Variants in FREM1 observed in about 807,000 individuals in gnomAD.
FREM1 encodes the protein FRAS1 related extracellular matrix 1.
In FREM1, 220 loss-of-function variants were observed where a neutral mutation model predicts 210.1. That is an observed-to-expected ratio of 1.05 (90% CI 0.94 to 1.17). The LOEUF is 1.17. FREM1 is among the 50% of genes most tolerant of loss of function. FREM1 has a pLI of 0.00. For synonymous variants in FREM1, 1,189 were observed against 980.2 expected, an observed-to-expected ratio of 1.21 and a Z score of -3.98; for missense variants, 3,454 against 2,675.5, an observed-to-expected ratio of 1.29 and a Z score of -6.42.
chr9:14,860,700 TATATACACACATATATACAC>T (rs879411408), intron 3 of FREM1, among the ~76,000 whole-genome samples: 3,996 of 111,704 alleles, frequency 0.036, 114 homozygotes, highest in Non-Finnish European at 0.046. Flanking sequence ...TATACACACA[TATATACACACATATATACAC>T]ATATATACAC....
rs899514118 is a variant in FREM1, at chr9:14,792,859, C to G, written c.3865G>C (p.Gly1289Arg). 1.9e-6 allele frequency: 3 copies of G among 1,587,580 alleles called. No individual in the cohort carries two copies. The highest frequency in any genetic ancestry group is 3.5e-5 in the Admixed American group (2 of 56,614). ...GCACTGGAAATAATACGAGTTTCAC[C>G]CATATTCATTGCAATTTCAGCCTTC... Reference protein sequence around the residue: ...SKKAEIAMNMGETRIISSAIL... With the variant: ...SKKAEIAMNMRETRIISSAIL... Residue 1289 changes from glycine (G) to arginine (R), a missense_variant, in exon 22 of 37, where the codon GGT becomes CGT. Transcript: ENST00000380880.
intron 5 of FREM1, among the ~76,000 whole-genome samples, chr9:14,852,262 G>T (rs1304553855): frequency 6.6e-6 from 1 of 152,114 alleles, no homozygotes; most frequent in African/African-American, 2.4e-5. Context: ...TGGGCATTGG[G>T]GATTGCAAGT....
chr9:14,863,766 T>C (rs1055621840), intron 3 of FREM1, 43 bp downstream of exon 3: 2 of 1,180,472 alleles, frequency 1.7e-6, no homozygotes, highest in East Asian at 2.3e-5. Flanking sequence ...GAACACAGAA[T>C]GGTTACTTGG....
At chr9:14,746,830 G>A (rs1007530556) in intron 34 of FREM1, 93 bp downstream of exon 34, 2 of 1,399,878 alleles carry the variant, frequency 1.4e-6, no homozygotes, top group South Asian at 1.5e-5. Context: ...GATGTAGCAT[G>A]GGTTGAGTCA....
chr9:14,851,181 T>G (rs1431337244), intron 6 of FREM1, 103 bp downstream of exon 6: 1 of 822,684 alleles, frequency 1.2e-6, no homozygotes. Context: ...GATTCTTTTC[T>G]GAGGCAATGA....
intron 21 of FREM1, among the ~76,000 whole-genome samples, chr9:14,793,893 G>C (rs771834955): frequency 1.3e-5 from 2 of 152,146 alleles, no homozygotes; most frequent in African/African-American, 4.8e-5. Flanking sequence ...AGTGGGTGGT[G>C]ACATTTGCAC....
Position 14,851,392 on chromosome 9 carries a change from C to G in FREM1, c.1044G>C (p.Leu348=). 1.9e-6 allele frequency: 3 copies of G among 1,613,918 alleles called. No individual in the cohort carries two copies. The highest frequency in any genetic ancestry group is 2.5e-6 in the Non-Finnish European group (3 of 1,179,856). The change falls in exon 6 of 37, where the codon CTG becomes CTC. Residue 348 remains leucine, a synonymous_variant. Transcript: ENST00000380880. ...KAPLQGYVTH[L]LDHTRPISSF... ...AGGAGATTGGTCTGGTGTGATCCAA[C>G]AGGTGAGTCACATAGCCCTGGAGCG... is the stretch of plus-strand genomic sequence containing the variant.
Position 14,836,634 on chromosome 9 carries a change from C to T in FREM1, c.1881+4813G>A, listed in dbSNP as rs1056499167. 2.0e-5 allele frequency among the ~76,000 whole-genome samples: 3 copies of T among 152,074 alleles called. No individual in the cohort carries two copies. Among genetic ancestry groups the T allele is most frequent in the Admixed American group, 6.6e-5 (1 of 15,260 alleles). On this transcript the variant is annotated intron_variant, in intron 10 of 36. Coordinates refer to ENST00000380880, the MANE Select transcript of FREM1 (RefSeq NM_001379081.2). This position sits in a 1 kb window ranked among gnomAD's most constrained non-coding sequence, Gnocchi z 4.9. ...TATATGTCTTGAATTGATATTTGGA[C>T]GTTGTATATTCAGTACTATGACTCA...
Position 14,797,620 on chromosome 9 carries a change from A to G in FREM1, c.3717T>C (p.His1239=), listed in dbSNP as rs771795372. The G allele has an allele frequency of 6.2e-7, 1 of 1,612,774 alleles. No individual in the cohort carries two copies. Residue 1239 remains histidine (H), a synonymous_variant, in exon 21 of 37, where the codon CAT becomes CAC. Coordinates refer to ENST00000380880, the MANE Select transcript of FREM1 (RefSeq NM_001379081.2). The part of the protein sequence containing the change: ...LKTGMRLTYM[H]DDSESLADDF... ...CATCAGCAAGGCTCTCTGAGTCATCATGCATGTACGTCAACCTCATTCCTG... is the reference window on the plus strand; with the variant it reads ...CATCAGCAAGGCTCTCTGAGTCATCGTGCATGTACGTCAACCTCATTCCTG...
intron 10 of FREM1, among the ~76,000 whole-genome samples, chr9:14,826,736 T>C (rs1377378377): frequency 6.6e-6 from 1 of 152,210 alleles, no homozygotes; most frequent in Non-Finnish European, 1.5e-5. Flanking sequence ...ATTACCCTCA[T>C]GAATGAACTT....
chr9:14,860,974 C>CAT lies in FREM1; in HGVS notation c.330-1492_330-1491dup, dbSNP rs1308925966. 5.2e-4 allele frequency among the ~76,000 whole-genome samples: 58 copies of CAT among 111,398 alleles called. 1 individual carries two copies. In the South Asian group the frequency reaches 0.014, roughly 27 times the overall value. 73.1% of individuals were successfully genotyped at this position (111,398 alleles called of 152,430 possible). On this transcript the variant is annotated intron_variant, in intron 3 of 36. Coordinates refer to ENST00000380880, the MANE Select transcript of FREM1 (RefSeq NM_001379081.2). ...ATATACACATATATACACATATATA[C>CAT]ATATATACACATATATACATATATA...
At chr9:14,792,624 T>C in intron 22 of FREM1, 119 bp downstream of exon 22, 1 of 747,024 alleles carries the variant, frequency 1.3e-6, no homozygotes, top group Non-Finnish European at 2.0e-6. Flanking sequence ...AATTAAATTT[T>C]CTACTTCTAG....
chr9:14,848,622 C>G, intron 7 of FREM1, 43 bp downstream of exon 7: 1 of 1,148,992 alleles, frequency 8.7e-7, no homozygotes, highest in African/African-American at 1.5e-5. Context: ...TTCTTGTATT[C>G]CCTTCAGGGC....
At chr9:14,848,269 G>A (rs1335093420) in intron 7 of FREM1, among the ~76,000 whole-genome samples, 1 of 152,138 alleles carries the variant, frequency 6.6e-6, no homozygotes. Context: ...TAGTTTCCAT[G>A]CAGCCCAACA....
chr9:14,770,632 G>A lies in FREM1; in HGVS notation c.5032C>T (p.His1678Tyr). ...IIFKILQGPKHGHLENTTTGE... is the reference protein window; with the variant it reads ...IIFKILQGPKYGHLENTTTGE... ...GTTGTTGTGTTCTCCAGATGTCCAT[G>A]TTTTGGGCCTTGTAGAATTTTAAAG... The change falls in exon 26 of 37, where the codon CAT becomes TAT. Residue 1678 changes from histidine (H) to tyrosine (Y), a missense_variant. Transcript: ENST00000380880. The A allele has an allele frequency of 6.2e-7, 1 of 1,613,206 alleles. No homozygotes were observed. The highest frequency in any genetic ancestry group is 8.5e-7 in the Non-Finnish European group (1 of 1,179,364).
intron 28 of FREM1, 88 bp downstream of exon 28, chr9:14,759,684 C>T (rs1218093447): frequency 7.8e-6 from 10 of 1,283,338 alleles, no homozygotes; most frequent in Non-Finnish European, 9.5e-6. Flanking sequence ...TCCTTGGTCA[C>T]TCTGAATTTT....
intron 10 of FREM1, among the ~76,000 whole-genome samples, chr9:14,829,470 T>A (rs144661787): frequency 6.6e-6 from 1 of 152,130 alleles, no homozygotes; most frequent in Non-Finnish European, 1.5e-5. Flanking sequence ...TCATCACCAA[T>A]GCAACAGTGT....
At chr9:14,824,745 T>A in intron 11 of FREM1, 51 bp downstream of exon 11, 1 of 1,292,384 alleles carries the variant, frequency 7.7e-7, no homozygotes, top group Middle Eastern at 2.2e-4. Flanking sequence ...ATTGACACTT[T>A]CAACTTTGCA....
At chr9:14,797,314 A>G (rs1157876298) in intron 21 of FREM1, among the ~76,000 whole-genome samples, 184 bp downstream of exon 21, 11 of 152,234 alleles carry the variant, frequency 7.2e-5, no homozygotes, top group Non-Finnish European at 1.6e-4. Flanking sequence ...CTGATTGTTA[A>G]GGAGAGGTTA....
Sources: gnomAD v4.1 joint callset for allele counts (sites outside exome capture counted in the v4.1 genomes callset) on GRCh38, gnomAD v4.1.1 for gene constraint, Gnocchi (gnomAD v3.1) non-coding constraint, MANE v1.5 for transcripts, NCBI Gene and HGNC (gene_info 2026-07-23, HGNC 2026-07-21) for gene names.